The following SLC16A6 variants were observed in gnomAD, a reference collection of about 807,000 sequenced individuals.
SLC16A6 encodes solute carrier family 16 member 6, also known as monocarboxylate transporter 7.
In SLC16A6, 15 loss-of-function variants were observed where a neutral mutation model predicts 33.8. That is an observed-to-expected ratio of 0.44 (90% CI 0.30 to 0.68). The LOEUF is 0.68. SLC16A6 is among the 30% of genes least tolerant of loss of function. The pLI is 0.10. For missense variants in SLC16A6, 451 were observed against 661.5 expected, an observed-to-expected ratio of 0.68 and a Z score of 3.49; for synonymous variants, 219 against 248.4, an observed-to-expected ratio of 0.88 and a Z score of 1.11.
At chr17:68,278,588 C>T (rs2075597628) in intron 1 of SLC16A6, among the ~76,000 whole-genome samples, 1 of 151,608 alleles carries the variant, frequency 6.6e-6, no homozygotes, top group Non-Finnish European at 1.5e-5. Flanking sequence ...GCATGTGCCA[C>T]CACAGCCAGC....
intron 2 of SLC16A6, among the ~76,000 whole-genome samples, chr17:68,275,413 T>C (rs1048132055): frequency 1.2e-4 from 19 of 152,200 alleles, no homozygotes; most frequent in Admixed American, 3.9e-4. Context: ...TAATCTTGGA[T>C]GTAGCTCATA....
At chr17:68,274,275 G>T (rs1042503379) in intron 2 of SLC16A6, 53 of 445,694 alleles carry the variant, frequency 1.2e-4, no homozygotes, top group Non-Finnish European at 1.9e-4. Flanking sequence ...AGACTAGCCC[G>T]GGCAACATGG....
In SLC16A6 at chr17:68,271,352, C is replaced by T; in HGVS notation, c.808G>A (p.Val270Met). ...EPKADMQQVL[V>M]KTSPRPSEKK... Reference sequence around the variant, plus strand: ...TCGCTTGGCCTGGGGCTGGTCTTCACCAGGACCTGCTGCATGTCGGCCTTC... The same window carrying T: ...TCGCTTGGCCTGGGGCTGGTCTTCATCAGGACCTGCTGCATGTCGGCCTTC... Residue 270 changes from valine (V) to methionine (M), a missense_variant, in exon 5 of 6, where the codon GTG becomes ATG. Physicochemically the swap from Val to Met is conservative, Grantham distance 21. This residue lies in a region of SLC16A6 where 405 missense variants were observed against 510.7 expected (regional missense o/e 0.79). Transcript: ENST00000580666. The surrounding 1 kb of genome is among the most constrained non-coding windows in gnomAD (Gnocchi z 5.3). 6.2e-7 allele frequency: 1 copy of T among 1,614,228 alleles called. No homozygotes were observed. Among genetic ancestry groups the T allele is most frequent in the South Asian group, 1.1e-5 (1 of 91,090 alleles).
At chr17:68,272,889 A>T (rs1555749521) in intron 3 of SLC16A6, 122 bp from the exon 4 acceptor site, 9 of 1,192,400 alleles carry the variant, frequency 7.5e-6, no homozygotes, top group Non-Finnish European at 1.1e-5. Flanking sequence ...GGAGCCAAGT[A>T]ATTCATTCTG....
At chr17:68,288,622 T>TA (rs2075896913) in intron 1 of SLC16A6, among the ~76,000 whole-genome samples, 1 of 152,148 alleles carries the variant, frequency 6.6e-6, no homozygotes, top group African/African-American at 2.4e-5. Flanking sequence ...AAGGTAAATG[T>TA]AAAAAAGGGA....
chr17:68,271,724 T>A lies in SLC16A6; in HGVS notation c.506-70A>T. 1 of 1,258,732 alleles carries A rather than the reference T, an allele frequency of 7.9e-7. No individual in the cohort carries two copies. Among genetic ancestry groups the A allele is most frequent in the East Asian group, 2.4e-5 (1 of 41,170 alleles). The allele number at this position is 1,258,732 out of a possible 1,614,324, so 78.0% of individuals were successfully genotyped here. On this transcript the variant is annotated intron_variant, in intron 4 of 5. Transcript: ENST00000580666. This position sits in a 1 kb window ranked among gnomAD's most constrained non-coding sequence, Gnocchi z 5.3. Reference sequence around the variant, plus strand: ...TGGACTCAAGACCCAGGAGAAGCCATCAAGAAGAAATATGGATCCAGATTT... The same window carrying A: ...TGGACTCAAGACCCAGGAGAAGCCAACAAGAAGAAATATGGATCCAGATTT...
At chr17:68,285,327 G>C (rs1568418474) in intron 1 of SLC16A6, among the ~76,000 whole-genome samples, 1 of 152,186 alleles carries the variant, frequency 6.6e-6, no homozygotes, top group Admixed American at 6.5e-5. Flanking sequence ...AAAGACCCTA[G>C]AGAGACGTGG....
chr17:68,274,128 A>G (rs2075434649), intron 2 of SLC16A6, 58 bp from the exon 3 acceptor site: 13 of 1,568,056 alleles, frequency 8.3e-6, no homozygotes, highest in South Asian at 7.9e-5. Context: ...GTTAGCTGCC[A>G]TAAGACTCCT....
chr17:68,275,069 C>T (rs543647395), intron 2 of SLC16A6, among the ~76,000 whole-genome samples: 117 of 152,240 alleles, frequency 7.7e-4, no homozygotes, highest in Non-Finnish European at 1.5e-3. Context: ...CGTGAGCCAC[C>T]GCGCCCAGCC....
At chr17:68,287,148 T>C (rs2075859831) in intron 1 of SLC16A6, among the ~76,000 whole-genome samples, 1 of 152,150 alleles carries the variant, frequency 6.6e-6, no homozygotes, top group African/African-American at 2.4e-5. Context: ...CATGCCCGGC[T>C]AATTTTGTTT....
intron 1 of SLC16A6, among the ~76,000 whole-genome samples, chr17:68,288,740 G>A (rs781894451): frequency 2.0e-5 from 3 of 152,304 alleles, no homozygotes; most frequent in African/African-American, 7.2e-5. Context: ...CCCTTTGAAG[G>A]CAAGGCCGAA....
At chr17:68,288,214 C>T (rs1473021093) in intron 1 of SLC16A6, among the ~76,000 whole-genome samples, 2 of 151,946 alleles carry the variant, frequency 1.3e-5, no homozygotes, top group African/African-American at 4.8e-5. Context: ...GTTGGTCAGA[C>T]TGGTCTCAAA....
In SLC16A6 at chr17:68,273,950, T is replaced by C; in HGVS notation, c.353A>G (p.Tyr118Cys). ...ASFSQEVSHMYVAIGIISGLG... is the reference protein window; with the variant it reads ...ASFSQEVSHMCVAIGIISGLG... ...ACCAGAGATGATGCCGATGGCGACGTACATATGAGAAACCTCTTGTGAGAA... is the reference window on the plus strand; with the variant it reads ...ACCAGAGATGATGCCGATGGCGACGCACATATGAGAAACCTCTTGTGAGAA... The change falls in exon 3 of 6, where the codon TAC becomes TGC. Residue 118 changes from tyrosine (Y) to cysteine (C), a missense_variant. By Grantham distance (194) the Tyr-to-Cys change is radical (BLOSUM62 -2). Transcript: ENST00000580666. The C allele has an allele frequency of 6.2e-7, 1 of 1,613,954 alleles. No homozygotes were observed. The highest frequency in any genetic ancestry group is 8.5e-7 in the Non-Finnish European group (1 of 1,180,004).
rs1309646794 is a variant in SLC16A6 at position 68,267,891 on chromosome 17, C to T, written c.*1205G>A. 6.6e-6 allele frequency: 1 copy of T among 152,158 alleles called. No homozygotes were observed. The highest frequency in any genetic ancestry group is 1.5e-5 in the Non-Finnish European group (1 of 68,008). 9.4% of individuals were successfully genotyped at this position (152,158 alleles called of 1,614,324 possible). A position where few individuals can be genotyped will look rare whatever the true frequency, so the allele number is the denominator to read the frequency against. ...CGCTATAACATAATTGTCTCTGTTA[C>T]CCCCATGTGAAATACAGAAATGCTT... On this transcript the variant is annotated 3_prime_UTR_variant, in exon 6 of 6. Transcript: ENST00000580666.
At chr17:68,288,292 G>A (rs2075890877) in intron 1 of SLC16A6, among the ~76,000 whole-genome samples, 1 of 152,144 alleles carries the variant, frequency 6.6e-6, no homozygotes, top group South Asian at 2.1e-4. Context: ...GAGCCACTGT[G>A]CCCGGCCTTC....
rs781944918 is a variant in SLC16A6, at chr17:68,271,147, A to G, written c.1013T>C (p.Ile338Thr). ...TCCGATCCTTCCGAAAACTTCTGCA[A>G]TGGCCATCGTAGATAATAAAAAAGC... The part of the protein sequence containing the change: ...RAAFLLSTMA[I>T]AEVFGRIGAG... Residue 338 changes from isoleucine to threonine, a missense_variant, in exon 5 of 6, where the codon ATT (isoleucine) becomes ACT (threonine). Transcript: ENST00000580666. The surrounding 1 kb of genome is among the most constrained non-coding windows in gnomAD (Gnocchi z 5.3). 1.9e-5 allele frequency: 31 copies of G among 1,614,076 alleles called. No homozygotes were observed. The highest frequency in any genetic ancestry group is 4.5e-5 in the East Asian group (2 of 44,892).
At chr17:68,281,297 G>C (rs1214565098) in intron 1 of SLC16A6, among the ~76,000 whole-genome samples, 1 of 141,696 alleles carries the variant, frequency 7.1e-6, no homozygotes, top group South Asian at 2.1e-4. Flanking sequence ...GGCTGGTGGC[G>C]GTGGCTCACG....
In SLC16A6 at chr17:68,271,254, G is replaced by C. The variant is rs1360004429; in HGVS notation, c.906C>G (p.Leu302=). The part of the protein sequence containing the change: ...KSFICYALFG[L]FATLGFFAPS... ...GTGCAAAGAATCCCAGTGTTGCAAA[G>C]AGACCAAATAATGCATAACAAATAA... The change falls in exon 5 of 6, where the codon CTC becomes CTG. Residue 302 remains leucine (L), a synonymous_variant. Transcript: ENST00000580666. The surrounding 1 kb of genome is among the most constrained non-coding windows in gnomAD (Gnocchi z 5.3). 1 of 1,614,024 alleles carries C rather than the reference G, an allele frequency of 6.2e-7. No individual in the cohort carries two copies. Among genetic ancestry groups the C allele is most frequent in the Non-Finnish European group, 8.5e-7 (1 of 1,180,054 alleles).
At chr17:68,281,242 C>T (rs1419985083) in intron 1 of SLC16A6, among the ~76,000 whole-genome samples, 1 of 151,812 alleles carries the variant, frequency 6.6e-6, no homozygotes, top group Non-Finnish European at 1.5e-5. Flanking sequence ...AACATCTTAA[C>T]AGCAAAAAAA....
Sources: gnomAD v4.1 joint callset for allele counts (sites outside exome capture counted in the v4.1 genomes callset) on GRCh38, gnomAD v4.1.1 for gene constraint, gnomAD v4.1.1 regional missense constraint, Gnocchi (gnomAD v3.1) non-coding constraint, MANE v1.5 for transcripts, NCBI Gene and HGNC (gene_info 2026-07-23, HGNC 2026-07-21) for gene names.